Variants in C4BPB observed in about 807,000 individuals in gnomAD.
The protein encoded by C4BPB is C4b-binding protein beta chain.
C4BPB carries 19 observed loss-of-function variants against 26.6 expected under a neutral mutation model. The observed-to-expected ratio is 0.71, with a 90% CI of 0.50 to 1.05. The LOEUF (loss-of-function observed/expected upper bound fraction) is 1.05, where lower values mean the gene tolerates loss of function less well. Ranked by LOEUF, C4BPB falls within the 50% of genes least tolerant of loss-of-function variation. C4BPB has a pLI of 0.00. For missense variants in C4BPB, 282 were observed against 302.9 expected (o/e 0.93, Z 0.51); for synonymous variants, 118 against 103.5 (o/e 1.14, Z -0.85).
At chr1:207,089,814 C>T (rs1683952154) in intron 2 of C4BPB, among the ~76,000 whole-genome samples, 1 of 151,878 alleles carries the variant, frequency 6.6e-6, no homozygotes, top group South Asian at 2.1e-4. Context: ...TTTTACTTTC[C>T]CTTTCTGTTC....
At chr1:207,091,059 C>A (rs1212785843) in intron 3 of C4BPB, among the ~76,000 whole-genome samples, 1 of 152,184 alleles carries the variant, frequency 6.6e-6, no homozygotes, top group Non-Finnish European at 1.5e-5. Flanking sequence ...TTTCTGGTAT[C>A]CTCTGTGGAG....
Position 207,089,589 on chromosome 1 carries a change from G to A in C4BPB, c.58G>A (p.Ala20Thr). ...MVAWRVSASDAEHCPELPPVD... is the reference protein window; with the variant it reads ...MVAWRVSASDTEHCPELPPVD... ...TGCGTGGCGAGTTTCTGCTTCAGAT[G>A]GTACGTATGCTTTCCTTCAACTCAG... The change falls in exon 2 of 7, where the codon GCA becomes ACA. Residue 20 changes from alanine (A) to threonine (T), a missense_variant and splice_region_variant. By Grantham distance (58) the Ala-to-Thr change is moderately conservative. Transcript: ENST00000367078. 6.2e-7 allele frequency: 1 copy of A among 1,613,810 alleles called. No homozygotes were observed. The highest frequency in any genetic ancestry group is 8.5e-7 in the Non-Finnish European group (1 of 1,179,756).
intron 2 of C4BPB, 27 bp from the exon 3 acceptor site, chr1:207,090,267 ACATGATATGCCAAG>A: frequency 6.6e-7 from 1 of 1,518,654 alleles, no homozygotes; most frequent in South Asian, 1.2e-5. Flanking sequence ...CTCTGACAGC[ACATGATATGCCAAG>A]TGAATCTGTT....
intron 5 of C4BPB, chr1:207,097,898 G>C (rs187395247): frequency 2.8e-4 from 99 of 349,858 alleles, no homozygotes; most frequent in African/African-American, 1.9e-3. Flanking sequence ...GTAAACACCT[G>C]ATTCAGAATT....
rs1346400975 is a variant in C4BPB, at chr1:207,090,355, G to A, written c.106G>A (p.Ala36Thr). 6.2e-7 allele frequency: 1 copy of A among 1,613,676 alleles called. No homozygotes were observed. Among genetic ancestry groups the A allele is most frequent in the South Asian group, 1.1e-5 (1 of 91,036 alleles). ...LPPVDNSIFV[A>T]KEVEGQILGT... is the part of the protein sequence containing the mutation. Reference sequence around the variant, plus strand: ...TCCAGTGGACAATAGCATATTTGTCGCAAAGGAGGTGGAAGGACAGATTCT... The same window carrying A: ...TCCAGTGGACAATAGCATATTTGTCACAAAGGAGGTGGAAGGACAGATTCT... The change falls in exon 3 of 7, where the codon GCA (alanine) becomes ACA (threonine). Residue 36 changes from alanine (A) to threonine (T), a missense_variant. Ala to Thr is a moderately conservative substitution (Grantham distance 58, BLOSUM62 0). Coordinates refer to ENST00000367078, the MANE Select transcript of C4BPB (RefSeq NM_001017365.3).
chr1:207,090,173 A>C (rs1683968441), intron 2 of C4BPB, 135 bp from the exon 3 acceptor site: 1 of 683,390 alleles, frequency 1.5e-6, no homozygotes, highest in Non-Finnish European at 2.4e-6. Flanking sequence ...TGGGAGTAGA[A>C]TACAGAGTAC....
intron 2 of C4BPB, 119 bp downstream of exon 2, chr1:207,089,708 T>C (rs1447106737): frequency 1.2e-6 from 1 of 836,576 alleles, no homozygotes; most frequent in Non-Finnish European, 1.9e-6. Context: ...ATTCTTCTAT[T>C]GAAAAATCTC....
intron 4 of C4BPB, chr1:207,096,239 T>C (rs925483420): frequency 2.7e-6 from 1 of 375,672 alleles, no homozygotes; most frequent in Non-Finnish European, 4.8e-6. Context: ...AAAATTTCTT[T>C]CCTTGAGCTC....
chr1:207,098,104 A>T (rs1336042780), intron 5 of C4BPB, 46 bp from the exon 6 acceptor site: 2 of 1,466,018 alleles, frequency 1.4e-6, no homozygotes, highest in African/African-American at 2.8e-5. Context: ...TCCATTACCC[A>T]ATTCAGAAAG....
intron 4 of C4BPB, chr1:207,095,635 C>T (rs1684219516): frequency 2.9e-6 from 1 of 347,234 alleles, no homozygotes; most frequent in Non-Finnish European, 5.7e-6. Context: ...ACCTTCTCCC[C>T]TTTTTCTGAT....
intron 6 of C4BPB, among the ~76,000 whole-genome samples, chr1:207,099,336 A>C (rs1201237730): frequency 1.3e-5 from 2 of 152,210 alleles, no homozygotes; most frequent in African/African-American, 4.8e-5. Flanking sequence ...AGCAAAGCAG[A>C]GTGGCTATAA....
At chr1:207,097,764 C>T (rs986558638) in intron 5 of C4BPB, 4 of 172,028 alleles carry the variant, frequency 2.3e-5, no homozygotes, top group African/African-American at 9.6e-5. Context: ...AGCCCCTTCG[C>T]TAAGATTTAT....
chr1:207,091,745 A>T lies in C4BPB; in HGVS notation c.334A>T (p.Ile112Phe). 1 of 1,614,186 alleles carries T rather than the reference A, an allele frequency of 6.2e-7. No homozygotes were observed. The highest frequency in any genetic ancestry group is 1.1e-5 in the South Asian group (1 of 91,084). Residue 112 changes from isoleucine to phenylalanine, a missense_variant, in exon 4 of 7, where the codon ATC (isoleucine) becomes TTC (phenylalanine). Physicochemically the swap from Ile to Phe is conservative, Grantham distance 21. Transcript: ENST00000367078. ...KITFMCNDHYILKGSNRSQCL... is the reference protein window; with the variant it reads ...KITFMCNDHYFLKGSNRSQCL... The stretch of plus-strand genomic sequence containing the variant: ...CACGTTTATGTGCAATGACCACTAC[A>T]TCCTCAAGGGCAGCAATCGGAGCCA...
intron 4 of C4BPB, among the ~76,000 whole-genome samples, chr1:207,092,580 A>G (rs1684071945): frequency 6.7e-6 from 1 of 150,230 alleles, no homozygotes; most frequent in Non-Finnish European, 1.5e-5. Flanking sequence ...TGAAATGAAT[A>G]TTTTATACAC....
At chr1:207,090,557 T>A in intron 3 of C4BPB, 76 bp downstream of exon 3, 1 of 1,366,114 alleles carries the variant, frequency 7.3e-7, no homozygotes, top group Non-Finnish European at 9.9e-7. Flanking sequence ...TCCTATAGGC[T>A]GTGGTAAAAC....
In C4BPB at chr1:207,098,212, C is replaced by G. The variant is rs1473931399; in HGVS notation, c.566C>G (p.Pro189Arg). The change falls in exon 6 of 7, where the codon CCA (proline) becomes CGA (arginine). Residue 189 changes from proline (P) to arginine (R), a missense_variant. Physicochemically the swap from Pro to Arg is moderately radical, Grantham distance 103. Coordinates refer to ENST00000367078, the MANE Select transcript of C4BPB (RefSeq NM_001017365.3). ...GATGGGGAGTGGAGCAGTGCACTTC[C>G]AGTCTGCAAGTTGATCCAGGAAGCT... ...CVDGEWSSAL[P>R]VCKLIQEAPK... 1 of 1,613,952 alleles carries G rather than the reference C, an allele frequency of 6.2e-7. No homozygotes were observed. The highest frequency in any genetic ancestry group is 8.5e-7 in the Non-Finnish European group (1 of 1,179,940).
chr1:207,096,501 T>C, intron 4 of C4BPB, 21 bp from the exon 5 acceptor site: 1 of 1,476,282 alleles, frequency 6.8e-7, no homozygotes, highest in Non-Finnish European at 9.5e-7. Flanking sequence ...TAACTATGAC[T>C]TCTATACTCG....
intron 5 of C4BPB, among the ~76,000 whole-genome samples, chr1:207,097,181 T>A (rs116672304): frequency 0.021 from 3,262 of 152,106 alleles, 115 homozygotes; most frequent in African/African-American, 0.076. Context: ...TTAAAATAAA[T>A]AAATAAATAA....
chr1:207,095,250 ACT>A (rs1233941414), intron 4 of C4BPB: 1 of 456,194 alleles, frequency 2.2e-6, no homozygotes, highest in South Asian at 1.6e-5. Flanking sequence ...CAGTATCAAG[ACT>A]CACAACTCCT....
Sources: allele counts gnomAD v4.1 joint callset (sites outside exome capture counted in the v4.1 genomes callset), GRCh38; gene constraint gnomAD v4.1.1; transcripts MANE v1.5; gene names NCBI Gene and HGNC (gene_info 2026-07-23, HGNC 2026-07-21).